MATK: variants seen among roughly 807,000 people sequenced by gnomAD.
The protein encoded by MATK is megakaryocyte-associated tyrosine kinase, also known as megakaryocyte-associated tyrosine-protein kinase.
In MATK, 41 loss-of-function variants were observed where a neutral mutation model predicts 59.8. The observed-to-expected ratio is 0.69, with a 90% CI of 0.53 to 0.89. The LOEUF (loss-of-function observed/expected upper bound fraction) is 0.89, where lower values mean the gene tolerates loss of function less well. MATK is among the 40% of genes least tolerant of loss of function. MATK has a pLI of 0.00. For missense variants in MATK, 593 were observed against 719.6 expected (o/e 0.82, Z 2.01); for synonymous variants, 308 against 306.1 (o/e 1.01, Z -0.06).
intron 8 of MATK, among the ~76,000 whole-genome samples, chr19:3,781,344 T>A (rs947402053): frequency 6.6e-6 from 1 of 152,102 alleles, no homozygotes; most frequent in African/African-American, 2.4e-5. Flanking sequence ...TTCCAAACAG[T>A]GGGACTGACC....
upstream of MATK, among the ~76,000 whole-genome samples, chr19:3,788,102 A>T (rs1468172093): frequency 3.1e-5 from 2 of 63,972 alleles, no homozygotes; most frequent in Non-Finnish European, 6.9e-5. Context: ...TAATATTTAT[A>T]TTATATTATA....
rs753078068 is a variant in MATK, at chr19:3,785,043, CT to C, written c.72+20del. ...GACCCAGAACTGGCTCCCCAAGCCCCTGTGGGGAAGTGATCTTTACCCGGGG... is the reference window on the plus strand; with the variant it reads ...GACCCAGAACTGGCTCCCCAAGCCCCGTGGGGAAGTGATCTTTACCCGGGG... On this transcript the variant is annotated intron_variant, in intron 2 of 13. Coordinates refer to ENST00000310132, the MANE Select transcript of MATK (RefSeq NM_139355.3). 4 of 1,611,830 alleles carry C rather than the reference CT, an allele frequency of 2.5e-6. No homozygotes were observed. The Admixed American group carries it at 6.7e-5, about 27-fold the overall frequency.
At chr19:3,784,090 T>A (rs1370088074) in intron 5 of MATK, 34 bp downstream of exon 5, 3 of 1,588,698 alleles carry the variant, frequency 1.9e-6, no homozygotes, top group Non-Finnish European at 2.6e-6. Flanking sequence ...TCACTTGCTG[T>A]CCCCTACCCC....
rs1205950158 is a variant in MATK at position 3,783,114 on chromosome 19, G to T, written c.676+12C>A. Reference sequence around the variant, plus strand: ...GTAGGGAAGGGGGTCTGCCCTCCTGGGCGTCCCCTACCCCTGGCCAGCTCC... The same window carrying T: ...GTAGGGAAGGGGGTCTGCCCTCCTGTGCGTCCCCTACCCCTGGCCAGCTCC... On this transcript the variant is annotated intron_variant, in intron 7 of 13. Coordinates refer to ENST00000310132, the MANE Select transcript of MATK (RefSeq NM_139355.3). 1 of 1,613,328 alleles carries T rather than the reference G, an allele frequency of 6.2e-7. No homozygotes were observed. Among genetic ancestry groups the T allele is most frequent in the Admixed American group, 1.7e-5 (1 of 60,014 alleles).
upstream of MATK, among the ~76,000 whole-genome samples, chr19:3,787,916 G>A (rs1163111938): frequency 6.6e-6 from 1 of 150,498 alleles, no homozygotes; most frequent in Non-Finnish European, 1.5e-5. Flanking sequence ...AGCAGACTAG[G>A]AAACTATATT....
intron 1 of MATK, among the ~76,000 whole-genome samples, chr19:3,794,975 CTTTTTT>C (rs532158792): frequency 9.3e-6 from 1 of 107,910 alleles, no homozygotes; most frequent in Non-Finnish European, 1.8e-5. Context: ...TTTTCTTTTG[CTTTTTT>C]TTTTTTTTTT....
At chr19:3,783,680 G>T in intron 6 of MATK, 134 bp downstream of exon 6, 1 of 759,592 alleles carries the variant, frequency 1.3e-6, no homozygotes, top group Non-Finnish European at 2.2e-6. Flanking sequence ...AGGAGGTAGG[G>T]ATGGTGTCTG....
intron 3 of MATK, 162 bp from the exon 4 acceptor site, chr19:3,784,613 G>T (rs1353222625): frequency 3.1e-6 from 2 of 652,450 alleles, no homozygotes; most frequent in African/African-American, 3.6e-5. Context: ...AAGAAAGGGG[G>T]AGTGGGGTGC....
At chr19:3,784,995 C>T (rs1373475104) in intron 2 of MATK, 69 bp downstream of exon 2, 1 of 1,537,644 alleles carries the variant, frequency 6.5e-7, no homozygotes, top group Non-Finnish European at 9.0e-7. Context: ...CAGAGAGAGC[C>T]TCCCCAGAGG....
rs925604530 is a variant in MATK at position 3,783,148 on chromosome 19, C to T, written c.654G>A (p.Ser218=). The change falls in exon 7 of 14, where the codon TCG becomes TCA. Residue 218 remains serine (S), a synonymous_variant. Transcript: ENST00000310132. ...TACCCCTGGCCAGCTCCTCCTCGGC[C>T]GACTTGGTCCCGTGTTTCCGCTTTG... ...VRPKRKHGTK[S]AEEELARAGW... is the part of the protein sequence containing the mutation. The T allele has an allele frequency of 1.5e-5, 25 of 1,613,962 alleles. No homozygotes were observed. Among genetic ancestry groups the T allele is most frequent in the South Asian group, 3.3e-5 (3 of 91,090 alleles).
intron 8 of MATK, among the ~76,000 whole-genome samples, 163 bp from the exon 9 acceptor site, chr19:3,779,960 C>T (rs2145747278): frequency 6.6e-6 from 1 of 152,316 alleles, no homozygotes; most frequent in East Asian, 1.9e-4. Flanking sequence ...ACCCCTGCCG[C>T]CCTTGCAAGC....
intron 12 of MATK, 100 bp from the exon 13 acceptor site, chr19:3,778,695 G>A (rs539963477): frequency 3.0e-6 from 4 of 1,324,258 alleles, no homozygotes; most frequent in Non-Finnish European, 3.1e-6. Context: ...CTCACTCTCT[G>A]GTCTTCTCCT....
At chr19:3,781,457 G>C in intron 8 of MATK, 150 bp downstream of exon 8, 2 of 787,066 alleles carry the variant, frequency 2.5e-6, no homozygotes, top group Non-Finnish European at 4.3e-6. Context: ...TGTTCCAGAG[G>C]GGGAAACTGA....
upstream of MATK, among the ~76,000 whole-genome samples, chr19:3,788,756 A>T (rs1013986814): frequency 1.3e-5 from 2 of 150,784 alleles, no homozygotes; most frequent in African/African-American, 4.9e-5. Flanking sequence ...CCACTGCACT[A>T]TCTCAGCTCA....
Position 3,797,708 on chromosome 19 carries a change from A to G in MATK, c.-58+3824T>C, listed in dbSNP as rs1013339228. ...GGAGTTTGAGACCAGCCTGGGCAAC[A>G]TAGTGAGACCCCAATCTCCAAATAA... On this transcript the variant is annotated intron_variant, in intron 1 of 13. Transcript: ENST00000395045. Among the ~76,000 whole-genome samples the G allele has an allele frequency of 5.3e-5, 8 of 152,012 alleles. No homozygotes were observed. In the East Asian group the frequency reaches 1.6e-3, roughly 30 times the overall value.
At chr19:3,793,004 C>A (rs80282107) in intron 1 of MATK, 5 of 152,220 alleles carry the variant, frequency 3.3e-5, no homozygotes, top group Non-Finnish European at 7.3e-5. Context: ...CTTCCTCCCC[C>A]CAGCCAGGGG....
chr19:3,779,377 C>T lies in MATK; in HGVS notation c.1001+1G>A. 1.2e-6 allele frequency: 2 copies of T among 1,613,212 alleles called. No homozygotes were observed. Among genetic ancestry groups the T allele is most frequent in the Non-Finnish European group, 1.7e-6 (2 of 1,179,972 alleles). ...CGCAGCACCCTGAGAGTCCCACTTACAGAGAAAACTGCAGGAGCTGAGCGG... is the reference window on the plus strand; with the variant it reads ...CGCAGCACCCTGAGAGTCCCACTTATAGAGAAAACTGCAGGAGCTGAGCGG... On this transcript the variant is annotated splice_donor_variant, in intron 11 of 13. Transcript: ENST00000310132. LOFTEE classifies it high-confidence loss of function.
At chr19:3,782,581 T>A (rs2037416599) in intron 7 of MATK, among the ~76,000 whole-genome samples, 3 of 151,886 alleles carry the variant, frequency 2.0e-5, no homozygotes, top group Non-Finnish European at 4.4e-5. Context: ...GGTGGATGTG[T>A]GGAGGAAGGG....
upstream of MATK, chr19:3,789,298 C>T (rs569239119): frequency 2.6e-6 from 2 of 779,420 alleles, no homozygotes; most frequent in East Asian, 4.9e-5. Context: ...ACCACGGGTC[C>T]CTCGCCGAGG....
Sources: allele counts gnomAD v4.1 joint callset (sites outside exome capture counted in the v4.1 genomes callset), GRCh38; gene constraint gnomAD v4.1.1; transcripts MANE v1.5; gene names NCBI Gene and HGNC (gene_info 2026-07-23, HGNC 2026-07-21).